LRP1B: variants seen among roughly 807,000 people sequenced by gnomAD.
The protein encoded by LRP1B is LDL receptor related protein 1B.
LRP1B carries 217 observed loss-of-function variants against 556.6 expected under a neutral mutation model. That is an observed-to-expected ratio of 0.39 (90% CI 0.35 to 0.44). The LOEUF (loss-of-function observed/expected upper bound fraction) is 0.44. LRP1B is among the 20% of genes least tolerant of loss of function. The pLI is 1.00. For synonymous variants in LRP1B, 2,047 were observed against 1,865.8 expected (o/e 1.10, Z -2.50); for missense variants, 5,053 against 5,620.8 (o/e 0.90, Z 3.23).
chr2:141,907,408 A>G (rs1360383384), intron 1 of LRP1B, among the ~76,000 whole-genome samples: 1 of 152,032 alleles, frequency 6.6e-6, no homozygotes, highest in Non-Finnish European at 1.5e-5. Flanking sequence ...AAGTCAGTAC[A>G]GTCATCAGAT....
At chr2:141,040,877 T>G (rs1369983967) in intron 11 of LRP1B, among the ~76,000 whole-genome samples, 2 of 152,102 alleles carry the variant, frequency 1.3e-5, no homozygotes, top group Non-Finnish European at 2.9e-5. Flanking sequence ...TGTGAACAGA[T>G]TAAACACATC....
chr2:140,973,343 A>G (rs1343079342), intron 18 of LRP1B, among the ~76,000 whole-genome samples: 5 of 152,024 alleles, frequency 3.3e-5, no homozygotes, highest in African/African-American at 4.8e-5. Flanking sequence ...AATTTACACA[A>G]AACTAGAAGA....
intron 29 of LRP1B, among the ~76,000 whole-genome samples, chr2:140,844,065 CT>C (rs1285641935): frequency 2.8e-3 from 403 of 146,504 alleles, no homozygotes; most frequent in Non-Finnish European, 3.5e-3. Context: ...TTAATTCTAA[CT>C]TTTTTTTTTT....
chr2:141,015,662 C>G lies in LRP1B; in HGVS notation c.2190+34G>C, dbSNP rs1289351515. On this transcript the variant is annotated intron_variant, in intron 13 of 90. Coordinates refer to ENST00000389484, the MANE Select transcript of LRP1B (RefSeq NM_018557.3). ...ACAAGGCTCTGTGAAAAAAAGAAGCCTGTGGGTTAAAAACAGCAGCATTTG... is the reference window on the plus strand; with the variant it reads ...ACAAGGCTCTGTGAAAAAAAGAAGCGTGTGGGTTAAAAACAGCAGCATTTG... The G allele has an allele frequency of 2.0e-6, 3 of 1,507,446 alleles. No homozygotes were observed. In the African/African-American group the frequency reaches 4.1e-5, roughly 21 times the overall value. The allele number at this position is 1,507,446 out of a possible 1,614,324, so 93.4% of individuals were successfully genotyped here. A position where few individuals can be genotyped will look rare whatever the true frequency, so the allele number is the denominator to read the frequency against.
At position 141,543,192 on chromosome 2, in the gene LRP1B, C is replaced by T. The variant is rs187549868; in HGVS notation, c.206-62659G>A. On this transcript the variant is annotated intron_variant, in intron 2 of 90. Coordinates refer to ENST00000389484, the MANE Select transcript of LRP1B (RefSeq NM_018557.3). ...GAATTTGCAGATAATCTTAGTTTCA[C>T]TGCATACCCTCTTGAACATTTAAAT... is the stretch of plus-strand genomic sequence containing the variant. 2.6e-5 allele frequency among the ~76,000 whole-genome samples: 4 copies of T among 152,134 alleles called. No homozygotes were observed. In the East Asian group the frequency reaches 7.7e-4, roughly 29 times the overall value.
At chr2:141,752,522 G>A in intron 2 of LRP1B, among the ~76,000 whole-genome samples, 1 of 152,070 alleles carries the variant, frequency 6.6e-6, no homozygotes, top group East Asian at 1.9e-4. Context: ...ACTAACTCCT[G>A]TGGTCTGCTT....
intron 2 of LRP1B, among the ~76,000 whole-genome samples, chr2:141,760,607 C>A (rs1396326378): frequency 6.6e-6 from 1 of 152,156 alleles, no homozygotes; most frequent in Non-Finnish European, 1.5e-5. Context: ...CTGGACTATA[C>A]ACTTAACAAA....
chr2:140,634,067 C>G (rs1349146761), intron 41 of LRP1B, among the ~76,000 whole-genome samples: 1 of 152,034 alleles, frequency 6.6e-6, no homozygotes, highest in Non-Finnish European at 1.5e-5. Context: ...ATTAGCAAAT[C>G]AAATGTAGCA....
Position 141,464,596 on chromosome 2 carries a change from A to AT in LRP1B, c.343+15799dup, listed in dbSNP as rs1402968531. On this transcript the variant is annotated intron_variant, in intron 3 of 90. Coordinates refer to ENST00000389484, the MANE Select transcript of LRP1B (RefSeq NM_018557.3). The stretch of plus-strand genomic sequence containing the variant: ...CCTGGCTAATTTTGTATATATATAT[A>AT]TATATATATATTTTTTTAGTAGAGA... 6.3e-4 allele frequency among the ~76,000 whole-genome samples: 21 copies of AT among 33,388 alleles called. 1 individual carries two copies. In the East Asian group the frequency reaches 0.019, roughly 30 times the overall value. 21.9% of individuals were successfully genotyped at this position (33,388 alleles called of 152,430 possible).
intron 3 of LRP1B, among the ~76,000 whole-genome samples, chr2:141,421,414 A>T (rs1270042874): frequency 1.7e-4 from 25 of 150,474 alleles, no homozygotes; most frequent in African/African-American, 6.1e-4. Context: ...CTGTAGTCCC[A>T]GCTACTTGGG....
chr2:141,862,310 T>C (rs2105788931), intron 1 of LRP1B, among the ~76,000 whole-genome samples: 1 of 152,378 alleles, frequency 6.6e-6, no homozygotes, highest in African/African-American at 2.4e-5. Context: ...GCATTATTTA[T>C]ACATTAACTC....
At chr2:141,599,846 A>G (rs1687664368) in intron 2 of LRP1B, among the ~76,000 whole-genome samples, 2 of 152,090 alleles carry the variant, frequency 1.3e-5, no homozygotes, top group Admixed American at 1.3e-4. Flanking sequence ...CCTTTAACCC[A>G]TATGCCTACA....
intron 2 of LRP1B, among the ~76,000 whole-genome samples, chr2:141,544,273 G>T (rs1685376836): frequency 7.8e-6 from 1 of 129,000 alleles, no homozygotes; most frequent in Non-Finnish European, 1.7e-5. Flanking sequence ...TTTAAAGAAA[G>T]TCTTCTCTTA....
intron 77 of LRP1B, among the ~76,000 whole-genome samples, chr2:140,340,068 T>C (rs1681296190): frequency 6.6e-6 from 1 of 151,498 alleles, no homozygotes; most frequent in African/African-American, 2.4e-5. Context: ...ATATATGTGA[T>C]TTTGTTACTC....
At chr2:141,430,414 T>C (rs546650611) in intron 3 of LRP1B, among the ~76,000 whole-genome samples, 23 of 152,298 alleles carry the variant, frequency 1.5e-4, no homozygotes, top group Middle Eastern at 3.4e-3. Context: ...ATAGATCTAA[T>C]TTTAAAATAA....
intron 3 of LRP1B, among the ~76,000 whole-genome samples, chr2:141,280,839 T>C (rs1222420585): frequency 1.3e-5 from 2 of 152,010 alleles, no homozygotes; most frequent in African/African-American, 4.8e-5. Context: ...ATAGTAGGCA[T>C]TATAAAGTAA....
chr2:141,882,387 G>T (rs1698985535), intron 1 of LRP1B, among the ~76,000 whole-genome samples: 2 of 152,030 alleles, frequency 1.3e-5, no homozygotes, highest in South Asian at 4.1e-4. Context: ...CCTAATATGG[G>T]GTCCCTGTGA....
intron 2 of LRP1B, among the ~76,000 whole-genome samples, chr2:141,702,340 G>C (rs1691970182): frequency 6.6e-6 from 1 of 151,902 alleles, no homozygotes; most frequent in Admixed American, 6.6e-5. Flanking sequence ...GATGATCCCA[G>C]AAGCAAGGAG....
intron 16 of LRP1B, among the ~76,000 whole-genome samples, chr2:140,991,801 A>G (rs1697099800): frequency 6.6e-6 from 1 of 152,170 alleles, no homozygotes; most frequent in Non-Finnish European, 1.5e-5. Context: ...CAGTCAGTGC[A>G]GTATTGCAGA....
Sources: allele counts gnomAD v4.1 joint callset (sites outside exome capture counted in the v4.1 genomes callset), GRCh38; gene constraint gnomAD v4.1.1; transcripts MANE v1.5; gene names NCBI Gene and HGNC (gene_info 2026-07-23, HGNC 2026-07-21).